The following LRP1B variants were observed in gnomAD, a reference collection of about 807,000 sequenced individuals.
The protein encoded by LRP1B is LDL receptor related protein 1B.
In LRP1B, 217 loss-of-function variants were observed where a neutral mutation model predicts 556.6. That is an observed-to-expected ratio of 0.39 (90% confidence interval 0.35 to 0.44). LRP1B has a LOEUF of 0.44. Among genes scored for constraint, LRP1B ranks in the 20% least tolerant of loss-of-function variants. The probability of loss-of-function intolerance (pLI) is 1.00; values close to 1 mark genes in which losing one functional copy is unlikely to be tolerated. For synonymous variants in LRP1B, 2,047 were observed against 1,865.8 expected (o/e 1.10, Z -2.50); for missense variants, 5,053 against 5,620.8 (o/e 0.90, Z 3.23).
At chr2:141,635,053 C>CACACACACAT (rs1426115607) in intron 2 of LRP1B, among the ~76,000 whole-genome samples, 2 of 151,554 alleles carry the variant, frequency 1.3e-5, no homozygotes, top group Non-Finnish European at 2.9e-5. Context: ...GTGAAACACA[C>CACACACACAT]ACACACACAC....
chr2:141,032,826 C>CATACATACATATATAT lies in LRP1B; in HGVS notation c.1790-12725_1790-12724insATATATATGTATGTAT. On this transcript the variant is annotated intron_variant, in intron 11 of 90. Coordinates refer to ENST00000389484, the MANE Select transcript of LRP1B (RefSeq NM_018557.3). The stretch of plus-strand genomic sequence containing the variant: ...ATGTGTGTGTGTATATATATACATA[C>CATACATACATATATAT]ATATATATATATATGCAGGCATATG... Among the ~76,000 whole-genome samples, 49 of 126,630 alleles carry CATACATACATATATAT rather than the reference C, an allele frequency of 3.9e-4. 1 individual carries two copies. The highest frequency in any genetic ancestry group is 1.2e-3 in the African/African-American group (38 of 32,986). 83.1% of individuals were successfully genotyped at this position (126,630 alleles called of 152,430 possible). A position where few individuals can be genotyped will look rare whatever the true frequency, so the allele number is the denominator to read the frequency against.
intron 1 of LRP1B, among the ~76,000 whole-genome samples, chr2:142,024,503 A>G (rs987407469): frequency 6.6e-6 from 1 of 152,182 alleles, no homozygotes; most frequent in Non-Finnish European, 1.5e-5. Flanking sequence ...ATTACACTTA[A>G]GAAATAAGCA....
chr2:141,981,144 G>A (rs1046423187), intron 1 of LRP1B, among the ~76,000 whole-genome samples: 2 of 152,066 alleles, frequency 1.3e-5, no homozygotes, highest in African/African-American at 2.4e-5. Context: ...GATGAGAAGA[G>A]ACCATCTACT....
chr2:141,417,945 A>G (rs1012895706), intron 3 of LRP1B, among the ~76,000 whole-genome samples: 1 of 151,976 alleles, frequency 6.6e-6, no homozygotes. Context: ...GTAATACATC[A>G]TTGTGGTTTT....
intron 1 of LRP1B, among the ~76,000 whole-genome samples, chr2:141,852,669 A>G (rs2105777280): frequency 6.6e-6 from 1 of 151,904 alleles, no homozygotes; most frequent in Admixed American, 6.6e-5. Flanking sequence ...AACATATAAT[A>G]AAACAGCATT....
chr2:140,524,465 T>C (rs1690332424), intron 49 of LRP1B, among the ~76,000 whole-genome samples: 2 of 151,816 alleles, frequency 1.3e-5, no homozygotes, highest in South Asian at 4.1e-4. Flanking sequence ...TCTCATCACA[T>C]ACTCAAAGGA....
At chr2:141,002,317 T>C (rs940267442) in intron 15 of LRP1B, among the ~76,000 whole-genome samples, 2 of 152,046 alleles carry the variant, frequency 1.3e-5, no homozygotes, top group African/African-American at 4.8e-5. Context: ...TTGTAGAATT[T>C]TAAAGGGAGA....
chr2:141,566,294 T>C (rs1490434939), intron 2 of LRP1B, among the ~76,000 whole-genome samples: 2 of 151,806 alleles, frequency 1.3e-5, no homozygotes, highest in Non-Finnish European at 2.9e-5. Context: ...AGAGAAGAAA[T>C]AATTAAAGAA....
intron 3 of LRP1B, among the ~76,000 whole-genome samples, chr2:141,295,789 A>ACACACACACACACACACACATG (rs1300096216): frequency 2.1e-5 from 3 of 143,494 alleles, no homozygotes; most frequent in African/African-American, 7.5e-5. Context: ...ACACACACAC[A>ACACACACACACACACACACATG]CATAACAGTG....
At chr2:140,868,319 A>G (rs1693017771) in intron 25 of LRP1B, 56 bp from the exon 26 acceptor site, 1 of 1,465,190 alleles carries the variant, frequency 6.8e-7, no homozygotes, top group Non-Finnish European at 9.1e-7. Flanking sequence ...TTCATTTCAC[A>G]GATATTTATT....
chr2:142,098,478 T>C (rs899035197), intron 1 of LRP1B, among the ~76,000 whole-genome samples: 2 of 151,776 alleles, frequency 1.3e-5, no homozygotes, highest in Non-Finnish European at 3.0e-5. Context: ...ATTTTTTAAA[T>C]GGCTCTTTAA....
chr2:141,759,399 G>A (rs1190549939), intron 2 of LRP1B, among the ~76,000 whole-genome samples: 1 of 152,080 alleles, frequency 6.6e-6, no homozygotes, highest in Non-Finnish European at 1.5e-5. Flanking sequence ...AGAGTGGTAA[G>A]ATGAAAAATA....
intron 2 of LRP1B, among the ~76,000 whole-genome samples, chr2:141,630,557 A>G (rs923337358): frequency 3.9e-5 from 6 of 152,346 alleles, no homozygotes; most frequent in Middle Eastern, 3.4e-3. Context: ...ATCAAATAGA[A>G]TACAATTTAA....
intron 2 of LRP1B, among the ~76,000 whole-genome samples, chr2:141,579,487 T>C (rs1296605844): frequency 6.6e-6 from 1 of 152,102 alleles, no homozygotes; most frequent in Non-Finnish European, 1.5e-5. Flanking sequence ...TATTCCATGG[T>C]ACAGTCAGAG....
intron 2 of LRP1B, among the ~76,000 whole-genome samples, chr2:141,634,678 A>G (rs1319150032): frequency 6.6e-6 from 1 of 152,034 alleles, no homozygotes; most frequent in Non-Finnish European, 1.5e-5. Flanking sequence ...ATCATATAAC[A>G]TATACAAAAG....
intron 2 of LRP1B, among the ~76,000 whole-genome samples, chr2:141,533,003 G>T (rs985543390): frequency 1.3e-5 from 2 of 151,954 alleles, no homozygotes; most frequent in East Asian, 3.9e-4. Context: ...AAATAAAAAA[G>T]CAAGAACATT....
chr2:142,009,361 T>C lies in LRP1B; in HGVS notation c.82+121287A>G, dbSNP rs1263574201. On this transcript the variant is annotated intron_variant, in intron 1 of 90. Transcript: ENST00000389484. ...CTATATACAACCGAGATGTCCTTTT[T>C]CACCCTCTCCTCATGTTGAAGTTTA... Among the ~76,000 whole-genome samples, 2 of 152,188 alleles carry C rather than the reference T, an allele frequency of 1.3e-5. 1 individual carries two copies. The highest frequency in any genetic ancestry group is 4.1e-4 in the South Asian group (2 of 4,822).
rs147880892 is a variant in LRP1B, at chr2:140,315,097, C to T, written c.12643G>A (p.Asp4215Asn). 3.8e-6 allele frequency: 6 copies of T among 1,599,582 alleles called. No individual in the cohort carries two copies. The highest frequency in any genetic ancestry group is 2.3e-5 in the South Asian group (2 of 88,410). Residue 4215 changes from aspartate (D) to asparagine (N), a missense_variant and splice_region_variant, in exon 83 of 91, where the codon GAT (aspartate) becomes AAT (asparagine). By Grantham distance (23) the Asp-to-Asn change is conservative. Transcript: ENST00000389484. ...GTCNDDSLLD[D>N]SCKLTCENGG... is the part of the protein sequence containing the mutation. ...TTTTCACAAGTTAACTTACATGAATCATCTGTTTATGAGAAGAAATGTACA... is the reference window on the plus strand; with the variant it reads ...TTTTCACAAGTTAACTTACATGAATTATCTGTTTATGAGAAGAAATGTACA...
intron 41 of LRP1B, among the ~76,000 whole-genome samples, chr2:140,661,988 T>A (rs958167645): frequency 6.6e-6 from 1 of 152,132 alleles, no homozygotes; most frequent in African/African-American, 2.4e-5. Context: ...TTCTCTCTTT[T>A]ATCATTTAAA....
Sources: allele counts gnomAD v4.1 joint callset (sites outside exome capture counted in the v4.1 genomes callset), GRCh38; gene constraint gnomAD v4.1.1; transcripts MANE v1.5; gene names NCBI Gene and HGNC (gene_info 2026-07-23, HGNC 2026-07-21).